Variants in PVT1 observed in about 807,000 individuals in gnomAD.
PVT1 encodes the protein CXCR4/PVT1 fusion.
rs1024492275 is a variant in PVT1, at chr8:127,915,949, G to T, written n.782+24951G>T. Among the ~76,000 whole-genome samples the T allele has an allele frequency of 3.3e-5, 5 of 152,220 alleles. No individual in the cohort carries two copies. The East Asian group carries it at 5.8e-4, about 18-fold the overall frequency. The stretch of plus-strand genomic sequence containing the variant: ...GATCTATGTCTTTTCATGCAACCTT[G>T]CCCTGTGCTTTCCACATATTCACAT... On this transcript the variant is annotated intron_variant and non_coding_transcript_variant, in intron 3 of 10. Coordinates refer to ENST00000651587, the Ensembl canonical transcript of PVT1.
intron 2 of PVT1, among the ~76,000 whole-genome samples, chr8:127,883,398 G>A (rs937549635): frequency 4.6e-5 from 7 of 152,180 alleles, no homozygotes; most frequent in Admixed American, 1.3e-4. Flanking sequence ...CCTGTTTTTC[G>A]TTTTTCTTCC....
chr8:127,997,044 G>GTT (rs1293036762), intron 4 of PVT1, among the ~76,000 whole-genome samples: 21,895 of 80,480 alleles, frequency 0.27, 6,754 homozygotes, highest in Admixed American at 0.4. Flanking sequence ...ATTTGCTTTC[G>GTT]TTTTTTTTTT....
Position 127,840,687 on chromosome 8 carries a change from G to A in PVT1, n.372+44616G>A, listed in dbSNP as rs951567933. Among the ~76,000 whole-genome samples the A allele has an allele frequency of 3.9e-5, 6 of 152,204 alleles. No homozygotes were observed. The South Asian group carries it at 6.2e-4, about 16-fold the overall frequency. On this transcript the variant is annotated intron_variant and non_coding_transcript_variant, in intron 2 of 10. Coordinates refer to ENST00000651587, the Ensembl canonical transcript of PVT1. Reference sequence around the variant, plus strand: ...CTGCCACTCTCCTAGCTGTGCTTCCGCAGAGCTGGACACACAAAAGCTTTC... The same window carrying A: ...CTGCCACTCTCCTAGCTGTGCTTCCACAGAGCTGGACACACAAAAGCTTTC...
At chr8:127,842,745 G>C (rs964554398) in intron 2 of PVT1, among the ~76,000 whole-genome samples, 1 of 152,138 alleles carries the variant, frequency 6.6e-6, no homozygotes, top group Non-Finnish European at 1.5e-5. Context: ...CTTCAGAAGA[G>C]ACCTTTTCAT....
intron 4 of PVT1, among the ~76,000 whole-genome samples, chr8:128,018,844 T>A (rs1182628948): frequency 6.6e-6 from 1 of 152,216 alleles, no homozygotes; most frequent in Non-Finnish European, 1.5e-5. Flanking sequence ...TAAAATTCCC[T>A]GAATCCGACA....
At position 127,893,993 on chromosome 8, in the gene PVT1, G is replaced by A. The variant is rs183712344; in HGVS notation, n.782+2995G>A. On this transcript the variant is annotated intron_variant and non_coding_transcript_variant, in intron 3 of 10. Transcript: ENST00000651587. Reference sequence around the variant, plus strand: ...GCCTGAACAGTTTGCATTTCTACTCGTGGTGCAGGAGCTTGCTGTTCTGAT... The same window carrying A: ...GCCTGAACAGTTTGCATTTCTACTCATGGTGCAGGAGCTTGCTGTTCTGAT... 1.5e-4 allele frequency among the ~76,000 whole-genome samples: 23 copies of A among 152,274 alleles called. No homozygotes were observed. In the East Asian group the frequency reaches 3.7e-3, roughly 24 times the overall value.
At chr8:127,843,163 C>T (rs941728031) in intron 2 of PVT1, among the ~76,000 whole-genome samples, 3 of 152,150 alleles carry the variant, frequency 2.0e-5, no homozygotes, top group African/African-American at 7.2e-5. Flanking sequence ...CGAGACCAAC[C>T]TGGGCAACAT....
intron 4 of PVT1, among the ~76,000 whole-genome samples, chr8:128,064,829 G>T (rs1313180134): frequency 6.6e-6 from 1 of 152,200 alleles, no homozygotes; most frequent in Non-Finnish European, 1.5e-5. Context: ...AACTTTTACA[G>T]TTACATAGGA....
chr8:128,073,276 A>C (rs758687492), intron 5 of PVT1, among the ~76,000 whole-genome samples: 2 of 152,148 alleles, frequency 1.3e-5, no homozygotes, highest in Non-Finnish European at 2.9e-5. Flanking sequence ...GCACGTTTTA[A>C]CCTAAACCTG....
intron 3 of PVT1, among the ~76,000 whole-genome samples, chr8:127,988,170 G>C (rs11786536): frequency 1.3e-5 from 2 of 152,174 alleles, no homozygotes; most frequent in Non-Finnish European, 2.9e-5. Flanking sequence ...CAAGCCACCT[G>C]CCCGCCGTTC....
chr8:128,028,985 G>C (rs1813357103), intron 4 of PVT1, among the ~76,000 whole-genome samples: 1 of 151,940 alleles, frequency 6.6e-6, no homozygotes, highest in Admixed American at 6.6e-5. Flanking sequence ...TGGGACTACA[G>C]GCACATACCA....
In PVT1 at chr8:127,821,277, C is replaced by T. The variant is rs143505270; in HGVS notation, n.372+25206C>T. Among the ~76,000 whole-genome samples the T allele has an allele frequency of 7.9e-3, 1,198 of 151,960 alleles. 10 individuals carry two copies. The highest frequency in any genetic ancestry group is 0.027 in the African/African-American group (1,122 of 41,404). ...CATATGGTAGCCGCTAGCCACTAGC[C>T]GCATGTGGCTATTGAGCAGTCGAAA... On this transcript the variant is annotated intron_variant and non_coding_transcript_variant, in intron 2 of 10. Transcript: ENST00000651587.
chr8:127,981,365 C>T (rs1466923300), intron 3 of PVT1, among the ~76,000 whole-genome samples: 1 of 152,182 alleles, frequency 6.6e-6, no homozygotes, highest in Non-Finnish European at 1.5e-5. Context: ...TAGAGTTCGG[C>T]ATTTTTTCCT....
intron 3 of PVT1, among the ~76,000 whole-genome samples, chr8:127,913,379 G>C (rs1815934473): frequency 6.6e-6 from 1 of 152,154 alleles, no homozygotes; most frequent in Non-Finnish European, 1.5e-5. Context: ...CTGATCCATT[G>C]ACCTGGGCCC....
chr8:127,800,942 A>G (rs150747819), intron 2 of PVT1, among the ~76,000 whole-genome samples: 27 of 152,278 alleles, frequency 1.8e-4, no homozygotes, highest in African/African-American at 6.3e-4. Context: ...TGTGTGGTTA[A>G]GTTGTCCGGT....
intron 2 of PVT1, among the ~76,000 whole-genome samples, chr8:127,840,547 C>G (rs1162461248): frequency 6.6e-6 from 1 of 152,258 alleles, no homozygotes; most frequent in African/African-American, 2.4e-5. Context: ...CTGTTTGGAT[C>G]TCCAAAGGCC....
chr8:127,964,901 T>C (rs1242664994), intron 3 of PVT1, among the ~76,000 whole-genome samples: 1 of 152,242 alleles, frequency 6.6e-6, no homozygotes, highest in Non-Finnish European at 1.5e-5. Context: ...GCTCAAGCCA[T>C]TGTACTGCCT....
At position 128,079,873 on chromosome 8, in the gene PVT1, C is replaced by T. The variant is rs12677104; in HGVS notation, n.1114+9512C>T. On this transcript the variant is annotated intron_variant and non_coding_transcript_variant, in intron 5 of 10. Coordinates refer to ENST00000651587, the Ensembl canonical transcript of PVT1. ...CCGAGTAGTTGGGACTATAGGCACC[C>T]GCCACCATGCCTGGCTAATTTTTTG... Among the ~76,000 whole-genome samples the T allele has an allele frequency of 1.0e-3, 159 of 152,178 alleles. 1 individual carries two copies. In the East Asian group the frequency reaches 0.028, roughly 27 times the overall value.
In PVT1 at chr8:127,899,325, G is replaced by C. The variant is rs529605939; in HGVS notation, n.782+8327G>C. Reference sequence around the variant, plus strand: ...TGAGATGATCTGGGAGGTAAAACTGGCCAGTTGTCCATCTCCCCTCTCTGA... The same window carrying C: ...TGAGATGATCTGGGAGGTAAAACTGCCCAGTTGTCCATCTCCCCTCTCTGA... On this transcript the variant is annotated intron_variant and non_coding_transcript_variant, in intron 3 of 10. Coordinates refer to ENST00000651587, the Ensembl canonical transcript of PVT1. Among the ~76,000 whole-genome samples the C allele has an allele frequency of 2.6e-5, 4 of 152,262 alleles. No homozygotes were observed. In the East Asian group the frequency reaches 7.7e-4, roughly 29 times the overall value.
Sources: gnomAD v4.1 joint callset for allele counts (sites outside exome capture counted in the v4.1 genomes callset) on GRCh38, gnomAD v4.1.1 for gene constraint, MANE v1.5 for transcripts, NCBI Gene and HGNC (gene_info 2026-07-23, HGNC 2026-07-21) for gene names.